TSEN15: variants seen among roughly 807,000 people sequenced by gnomAD.
TSEN15 encodes tRNA-splicing endonuclease subunit Sen15.
Under a neutral mutation model 20.5 loss-of-function variants are expected in TSEN15, and 10 were observed. The ratio of observed to expected loss-of-function variants is 0.49; its 90% confidence interval spans 0.30 to 0.83. TSEN15 has a LOEUF of 0.83. Among genes scored for constraint, TSEN15 ranks in the 40% least tolerant of loss-of-function variants. The pLI is 0.06. For missense variants in TSEN15, 180 were observed against 218.6 expected (o/e 0.82, Z 1.11); for synonymous variants, 72 against 80.1 (o/e 0.90, Z 0.54).
chr1:184,067,894 G>C (rs567694350), intron 3 of TSEN15, among the ~76,000 whole-genome samples: 1 of 133,206 alleles, frequency 7.5e-6, no homozygotes. Flanking sequence ...CTGTGCTCCA[G>C]TCTGGGTGAC....
chr1:184,077,768 C>T (rs1295855085), downstream of TSEN15, among the ~76,000 whole-genome samples: 3 of 152,064 alleles, frequency 2.0e-5, no homozygotes, highest in African/African-American at 7.2e-5. Context: ...GTAGAAATAG[C>T]AAGAGAATTA....
intron 3 of TSEN15, among the ~76,000 whole-genome samples, chr1:184,093,383 T>C (rs146841664): frequency 1.3e-3 from 194 of 152,256 alleles, no homozygotes; most frequent in African/African-American, 4.4e-3. Flanking sequence ...CAGAACCCAA[T>C]TGGATCTAAT....
At chr1:184,058,932 C>T (rs942260733) in intron 3 of TSEN15, among the ~76,000 whole-genome samples, 5 of 151,718 alleles carry the variant, frequency 3.3e-5, no homozygotes, top group Admixed American at 1.3e-4. Context: ...TCTTATGTGT[C>T]AGGCAATGAT....
At chr1:184,071,250 T>C (rs938621782) in intron 3 of TSEN15, 7 of 152,134 alleles carry the variant, frequency 4.6e-5, no homozygotes, top group South Asian at 2.1e-4. Flanking sequence ...AAGTAACTTA[T>C]ATGATGTTAT....
chr1:184,065,183 TACAC>T (rs34263893), intron 3 of TSEN15, among the ~76,000 whole-genome samples: 3 of 150,022 alleles, frequency 2.0e-5, no homozygotes, highest in African/African-American at 2.4e-5. Flanking sequence ...TTAAAATGTA[TACAC>T]ACACACACAC....
At chr1:184,053,592 C>G (rs1650131338) in intron 1 of TSEN15, among the ~76,000 whole-genome samples, 1 of 152,202 alleles carries the variant, frequency 6.6e-6, no homozygotes, top group East Asian at 1.9e-4. Flanking sequence ...AATAATTCAA[C>G]TCAGCATTAG....
chr1:184,070,039 C>G (rs1236891508), intron 3 of TSEN15, among the ~76,000 whole-genome samples: 2 of 151,992 alleles, frequency 1.3e-5, no homozygotes, highest in African/African-American at 4.8e-5. Flanking sequence ...TTTTACAACT[C>G]TGAGTTAGTT....
chr1:184,063,299 A>G (rs370773616), intron 3 of TSEN15, among the ~76,000 whole-genome samples: 1 of 152,216 alleles, frequency 6.6e-6, no homozygotes, highest in African/African-American at 2.4e-5. Flanking sequence ...TAAACATTCC[A>G]TATACCAAAT....
chr1:184,066,595 AG>A (rs1408690710), intron 3 of TSEN15, among the ~76,000 whole-genome samples: 2 of 152,016 alleles, frequency 1.3e-5, no homozygotes, highest in Non-Finnish European at 2.9e-5. Context: ...TAATAGAGAC[AG>A]GGTTTCACCA....
chr1:184,093,900 A>T (rs1651401909), intron 3 of TSEN15: 1 of 152,190 alleles, frequency 6.6e-6, no homozygotes, highest in African/African-American at 2.4e-5. Context: ...GCTTAATATA[A>T]ATCTTTCTAT....
intron 3 of TSEN15, among the ~76,000 whole-genome samples, chr1:184,069,374 A>G (rs576530899): frequency 1.2e-4 from 18 of 152,284 alleles, no homozygotes; most frequent in Middle Eastern, 3.4e-3. Context: ...TTTCTATCCA[A>G]TATGAACTAT....
At chr1:184,053,511 C>T (rs1416800016) in intron 1 of TSEN15, among the ~76,000 whole-genome samples, 2 of 152,204 alleles carry the variant, frequency 1.3e-5, no homozygotes, top group East Asian at 3.8e-4. Flanking sequence ...CCCTGTCCTC[C>T]TGAACCTGTA....
intron 3 of TSEN15, among the ~76,000 whole-genome samples, chr1:184,063,381 T>C (rs1212083080): frequency 1.3e-5 from 2 of 152,176 alleles, no homozygotes. Flanking sequence ...TGAATAAAAT[T>C]ATTTTGGCAA....
intron 1 of TSEN15, among the ~76,000 whole-genome samples, chr1:184,053,459 G>A (rs1312384546): frequency 6.6e-6 from 1 of 152,118 alleles, no homozygotes; most frequent in Non-Finnish European, 1.5e-5. Flanking sequence ...TATGTTTTGG[G>A]TGTTATTTTC....
chr1:184,080,757 A>C (rs1014456597), intron 3 of TSEN15, among the ~76,000 whole-genome samples: 2 of 152,162 alleles, frequency 1.3e-5, no homozygotes, highest in African/African-American at 4.8e-5. Context: ...TTGACACTAA[A>C]TTTTGTGCTG....
At chr1:184,072,424 A>T in intron 4 of TSEN15, 126 bp downstream of exon 4, 1 of 933,440 alleles carries the variant, frequency 1.1e-6, no homozygotes, top group Non-Finnish European at 1.5e-6. Flanking sequence ...TCAAGAAAAA[A>T]AGTCTTGATT....
chr1:184,087,298 C>G (rs185635771), intron 3 of TSEN15, among the ~76,000 whole-genome samples: 44 of 152,190 alleles, frequency 2.9e-4, no homozygotes, highest in Admixed American at 1.2e-3. Context: ...ATTTTAGACT[C>G]TTTTTTCTTT....
chr1:184,068,214 G>A (rs1407545773), intron 3 of TSEN15, among the ~76,000 whole-genome samples: 2 of 151,750 alleles, frequency 1.3e-5, no homozygotes, highest in African/African-American at 4.8e-5. Context: ...CATCTCTGAA[G>A]ATATTCTTAG....
rs774667229 is a variant in TSEN15, at chr1:184,072,162, G to A, written c.359G>A (p.Arg120Lys). 1 of 1,613,156 alleles carries A rather than the reference G, an allele frequency of 6.2e-7. No individual in the cohort carries two copies. Among genetic ancestry groups the A allele is most frequent in the African/African-American group, 1.3e-5 (1 of 74,838 alleles). The change falls in exon 4 of 5, where the codon AGG becomes AAG. Residue 120 changes from arginine to lysine, a missense_variant. By Grantham distance (26) the Arg-to-Lys change is conservative. Transcript: ENST00000645668. ...ITASLSHNRI[R>K]EILKASRKLQ... ...TATTGTGACTTTATTTTCAGGATAA[G>A]GGAGATCTTGAAGGCATCTCGAAAG...
Sources: gnomAD v4.1 joint callset for allele counts (sites outside exome capture counted in the v4.1 genomes callset) on GRCh38, gnomAD v4.1.1 for gene constraint, MANE v1.5 for transcripts, NCBI Gene and HGNC (gene_info 2026-07-23, HGNC 2026-07-21) for gene names.